The following CDK14 variants were observed in gnomAD, a reference collection of about 807,000 sequenced individuals.
CDK14 encodes the protein cyclin-dependent kinase 14.
CDK14 carries 34 observed loss-of-function variants against 60.7 expected under a neutral mutation model. That is an observed-to-expected ratio of 0.56 (90% CI 0.43 to 0.75). The LOEUF (loss-of-function observed/expected upper bound fraction) is 0.75. Ranked by LOEUF, CDK14 falls within the 30% of genes least tolerant of loss-of-function variation. CDK14 has a pLI of 0.00. For missense variants in CDK14, 482 were observed against 564.1 expected, an observed-to-expected ratio of 0.85 and a Z score of 1.47; for synonymous variants, 197 against 203.7, an observed-to-expected ratio of 0.97 and a Z score of 0.28.
chr7:91,045,872 T>G, intron 10 of CDK14, 25 bp from the exon 11 acceptor site: 1 of 1,525,196 alleles, frequency 6.6e-7, no homozygotes, highest in Non-Finnish European at 9.1e-7. Context: ...TAAGGCTGTT[T>G]CCACAATCTC....
chr7:90,763,304 A>G (rs1052438797), intron 4 of CDK14, among the ~76,000 whole-genome samples: 1 of 152,158 alleles, frequency 6.6e-6, no homozygotes, highest in Non-Finnish European at 1.5e-5. Context: ...GCCAAAGTAA[A>G]CAAAGTGGAA....
intron 14 of CDK14, among the ~76,000 whole-genome samples, chr7:91,181,598 A>AT (rs1030964646): frequency 6.6e-6 from 1 of 152,080 alleles, no homozygotes; most frequent in African/African-American, 2.4e-5. Flanking sequence ...TTATTATGTT[A>AT]TTTTGTTGCC....
At chr7:90,629,245 C>T (rs1799941897) in intron 2 of CDK14, among the ~76,000 whole-genome samples, 2 of 152,146 alleles carry the variant, frequency 1.3e-5, no homozygotes, top group African/African-American at 4.8e-5. Context: ...TAGTAGTTCA[C>T]AAACTCCTCA....
intron 9 of CDK14, among the ~76,000 whole-genome samples, chr7:90,956,211 G>C (rs1324805450): frequency 6.6e-6 from 1 of 152,058 alleles, no homozygotes; most frequent in Non-Finnish European, 1.5e-5. Context: ...TGAAAATTTT[G>C]GTGTAACTGT....
intron 5 of CDK14, among the ~76,000 whole-genome samples, chr7:90,822,423 T>C (rs1789581811): frequency 6.6e-6 from 1 of 152,094 alleles, no homozygotes; most frequent in Non-Finnish European, 1.5e-5. Flanking sequence ...GCTGTTTCCC[T>C]CTCCTCTTAT....
At chr7:91,198,772 G>A (rs1486119163) in intron 14 of CDK14, among the ~76,000 whole-genome samples, 2 of 152,180 alleles carry the variant, frequency 1.3e-5, no homozygotes, top group Admixed American at 6.5e-5. Flanking sequence ...GTGACTGTAT[G>A]TTTGGAATTC....
rs114762060 is a variant in CDK14, at chr7:91,153,133, T to C, written c.*28+34925T>C. 7.1e-3 allele frequency among the ~76,000 whole-genome samples: 1,082 copies of C among 152,230 alleles called. 5 individuals are homozygous for C. Among genetic ancestry groups the C allele is most frequent in the African/African-American group, 0.024 (1,011 of 41,518 alleles). ...GGGGTCAAAGATTCTCCTGGAAAGA[T>C]GCAGACATGCATTGAAAAACTAACA... On this transcript the variant is annotated intron_variant, in intron 14 of 14. Coordinates refer to ENST00000380050, the MANE Select transcript of CDK14 (RefSeq NM_001287135.2).
intron 5 of CDK14, among the ~76,000 whole-genome samples, chr7:90,827,454 T>C (rs184089355): frequency 5.3e-4 from 81 of 152,346 alleles, no homozygotes; most frequent in African/African-American, 1.8e-3. Flanking sequence ...TTTCAACTCA[T>C]TTGAATACTT....
intron 9 of CDK14, among the ~76,000 whole-genome samples, chr7:90,967,957 A>G (rs1264318399): frequency 6.6e-6 from 1 of 152,234 alleles, no homozygotes; most frequent in Non-Finnish European, 1.5e-5. Flanking sequence ...AAAGATGCCT[A>G]CCAGAATATT....
At chr7:90,674,494 T>C (rs555862874) in intron 2 of CDK14, among the ~76,000 whole-genome samples, 65 of 152,220 alleles carry the variant, frequency 4.3e-4, no homozygotes, top group Non-Finnish European at 7.9e-4. Context: ...GATGTAGATA[T>C]GTTCATTGTG....
At position 91,207,754 on chromosome 7, in the gene CDK14, C is replaced by G. The variant is rs1802947336; in HGVS notation, c.*618C>G. The G allele has an allele frequency of 6.6e-6, 1 of 152,626 alleles. No homozygotes were observed. Among genetic ancestry groups the G allele is most frequent in the Non-Finnish European group, 1.5e-5 (1 of 68,042 alleles). The allele number at this position is 152,626 out of a possible 1,614,324, so 9.5% of individuals were successfully genotyped here. ...ATGTGGTTTTTTTACTTGGAAATAA[C>G]TGCACATTTATATATAGGATATTGG... On this transcript the variant is annotated 3_prime_UTR_variant, in exon 15 of 15. Transcript: ENST00000380050.
At chr7:90,892,417 C>T (rs756013490) in intron 6 of CDK14, among the ~76,000 whole-genome samples, 1 of 152,192 alleles carries the variant, frequency 6.6e-6, no homozygotes, top group Non-Finnish European at 1.5e-5. Context: ...TAAGATGAGT[C>T]AGTATAGTTC....
At chr7:90,732,314 G>T (rs568986601) in intron 3 of CDK14, among the ~76,000 whole-genome samples, 1 of 151,932 alleles carries the variant, frequency 6.6e-6, no homozygotes, top group African/African-American at 2.4e-5. Context: ...TTTTTGTTGT[G>T]TCTCTGCCAG....
intron 4 of CDK14, among the ~76,000 whole-genome samples, chr7:90,787,946 G>A (rs187846909): frequency 6.6e-6 from 1 of 152,186 alleles, no homozygotes; most frequent in African/African-American, 2.4e-5. Context: ...ATCTTTAGTT[G>A]CACTTAAAAA....
intron 2 of CDK14, among the ~76,000 whole-genome samples, chr7:90,660,866 A>G (rs2116503200): frequency 6.6e-6 from 1 of 152,280 alleles, no homozygotes; most frequent in Admixed American, 6.5e-5. Flanking sequence ...CCTCCCATGG[A>G]AATGCATACA....
chr7:91,034,862 G>A (rs1194465984), intron 10 of CDK14, among the ~76,000 whole-genome samples: 1 of 151,830 alleles, frequency 6.6e-6, no homozygotes, highest in Non-Finnish European at 1.5e-5. Context: ...TTTAGGTAAG[G>A]CCTAGGGAAT....
At chr7:90,706,451 G>T (rs1440520479) in intron 2 of CDK14, among the ~76,000 whole-genome samples, 1 of 152,156 alleles carries the variant, frequency 6.6e-6, no homozygotes, top group Non-Finnish European at 1.5e-5. Flanking sequence ...CAAGTACTGA[G>T]TGCTGTCCTA....
At chr7:90,950,265 G>A (rs190997415) in intron 8 of CDK14, among the ~76,000 whole-genome samples, 2 of 151,972 alleles carry the variant, frequency 1.3e-5, no homozygotes, top group East Asian at 1.9e-4. Flanking sequence ...CAATAGACAC[G>A]GGGTTTCACC....
rs1267435147 is a variant in CDK14, at chr7:90,963,121, G to GTGTGTGTGTGTGTGTGTT, written c.947+7307_947+7308insGTGTGTGTGTGTGTTTGT. ...TGTGTGTGTGTGTGTGTGTGTGTGTGTGTTTTAATTTAGAAATATATAGGC... is the reference window on the plus strand; with the variant it reads ...TGTGTGTGTGTGTGTGTGTGTGTGTGTGTGTGTGTGTGTGTGTTTGTTTTAATTTAGAAATATATAGGC... On this transcript the variant is annotated intron_variant, in intron 9 of 14. Coordinates refer to ENST00000380050, the MANE Select transcript of CDK14 (RefSeq NM_001287135.2). 6.9e-4 allele frequency among the ~76,000 whole-genome samples: 98 copies of GTGTGTGTGTGTGTGTGTT among 142,338 alleles called. 1 individual carries two copies. In the East Asian group the frequency reaches 9.1e-3, roughly 13 times the overall value. The allele number at this position is 142,338 out of a possible 152,430, so 93.4% of individuals were successfully genotyped here. A position where few individuals can be genotyped will look rare whatever the true frequency, so the allele number is the denominator to read the frequency against.
Sources: allele counts gnomAD v4.1 joint callset (sites outside exome capture counted in the v4.1 genomes callset), GRCh38; gene constraint gnomAD v4.1.1; transcripts MANE v1.5; gene names NCBI Gene and HGNC (gene_info 2026-07-23, HGNC 2026-07-21).